Variants in IGSF21 observed in about 807,000 individuals in gnomAD.
IGSF21 encodes the protein immunoglobulin superfamily member 21.
In IGSF21, 28 loss-of-function variants were observed where a neutral mutation model predicts 46.8. The ratio of observed to expected loss-of-function variants is 0.60; its 90% CI spans 0.44 to 0.82. The LOEUF is 0.82. IGSF21 is among the 40% of genes least tolerant of loss of function. The pLI, the probability that IGSF21 is intolerant of heterozygous loss-of-function variation, is 0.00. For missense variants in IGSF21, 624 were observed against 665.5 expected, an observed-to-expected ratio of 0.94 and a Z score of 0.69; for synonymous variants, 284 against 273.6, an observed-to-expected ratio of 1.04 and a Z score of -0.38.
intron 4 of IGSF21, among the ~76,000 whole-genome samples, chr1:18,339,651 G>C (rs1264806764): frequency 6.6e-6 from 1 of 152,212 alleles, no homozygotes; most frequent in Non-Finnish European, 1.5e-5. Flanking sequence ...CTTGAGCCTG[G>C]GAGGTAAAGG....
chr1:18,229,760 G>C (rs1259780344), intron 2 of IGSF21, among the ~76,000 whole-genome samples: 1 of 152,178 alleles, frequency 6.6e-6, no homozygotes, highest in Non-Finnish European at 1.5e-5. Flanking sequence ...ATCACTAAGA[G>C]GTGTATTTAC....
intron 2 of IGSF21, among the ~76,000 whole-genome samples, chr1:18,281,175 G>GTGAA (rs911246491): frequency 4.6e-5 from 7 of 152,130 alleles, no homozygotes; most frequent in Non-Finnish European, 5.9e-5. Flanking sequence ...GAACAGGTGA[G>GTGAA]TGAATGAATG....
chr1:18,289,669 G>T (rs569115096), intron 2 of IGSF21, among the ~76,000 whole-genome samples: 1 of 152,172 alleles, frequency 6.6e-6, no homozygotes, highest in Non-Finnish European at 1.5e-5. Context: ...CTTGGGAGGG[G>T]GGCAAGGGGC....
At chr1:18,121,175 G>A (rs149593083) in intron 1 of IGSF21, among the ~76,000 whole-genome samples, 1 of 152,220 alleles carries the variant, frequency 6.6e-6, no homozygotes, top group African/African-American at 2.4e-5. Context: ...TTTCACCCTT[G>A]CAGATGGGGG....
chr1:18,156,238 A>G (rs143457562), intron 1 of IGSF21, among the ~76,000 whole-genome samples: 1 of 152,104 alleles, frequency 6.6e-6, no homozygotes, highest in Non-Finnish European at 1.5e-5. Flanking sequence ...ATTCTCCACT[A>G]TTAAGGAGGT....
intron 1 of IGSF21, among the ~76,000 whole-genome samples, chr1:18,139,020 C>A (rs1346246692): frequency 6.6e-6 from 1 of 152,212 alleles, no homozygotes; most frequent in Non-Finnish European, 1.5e-5. Flanking sequence ...GCCGTTAAAA[C>A]CCACATCCTT....
At chr1:18,274,261 C>T (rs769208797) in intron 2 of IGSF21, among the ~76,000 whole-genome samples, 2 of 143,418 alleles carry the variant, frequency 1.4e-5, no homozygotes, top group Non-Finnish European at 3.1e-5. Context: ...GCTCAACACT[C>T]CAGACCTTGT....
chr1:18,151,075 A>C (rs1411861949), intron 1 of IGSF21, among the ~76,000 whole-genome samples: 1 of 152,220 alleles, frequency 6.6e-6, no homozygotes. Flanking sequence ...GATGAATCAC[A>C]GAATACCTGA....
At chr1:18,117,736 T>C (rs1359504385) in intron 1 of IGSF21, among the ~76,000 whole-genome samples, 3 of 152,200 alleles carry the variant, frequency 2.0e-5, no homozygotes, top group South Asian at 4.1e-4. Flanking sequence ...GAGGAGAGGA[T>C]GCATGGCAGG....
chr1:18,241,697 A>G (rs1244577193), intron 2 of IGSF21, among the ~76,000 whole-genome samples: 1 of 152,036 alleles, frequency 6.6e-6, no homozygotes, highest in East Asian at 1.9e-4. Flanking sequence ...TCTCCCTCAT[A>G]TCATCATGAA....
At position 18,108,204 on chromosome 1, in the gene IGSF21, T is replaced by G. The variant is rs2086109467; in HGVS notation, c.70+6T>G. Reference sequence around the variant, plus strand: ...GATCCTGGACCTGGCGCGCGGTGAGTGCGCGGGCGCCTGGCGGGAGCCGAG... The same window carrying G: ...GATCCTGGACCTGGCGCGCGGTGAGGGCGCGGGCGCCTGGCGGGAGCCGAG... On this transcript the variant is annotated splice_donor_region_variant and intron_variant, in intron 1 of 9. Coordinates refer to ENST00000251296, the MANE Select transcript of IGSF21 (RefSeq NM_032880.5). The G allele has an allele frequency of 2.7e-5, 37 of 1,391,202 alleles. No individual in the cohort carries two copies. Among genetic ancestry groups the G allele is most frequent in the Non-Finnish European group, 3.4e-5 (37 of 1,074,348 alleles). 86.2% of individuals were successfully genotyped at this position (1,391,202 alleles called of 1,614,324 possible).
intron 4 of IGSF21, among the ~76,000 whole-genome samples, chr1:18,358,670 T>C (rs1195717750): frequency 6.6e-6 from 1 of 152,258 alleles, no homozygotes; most frequent in Non-Finnish European, 1.5e-5. Context: ...ACAGCTGATA[T>C]GTATTGGGTG....
chr1:18,314,647 A>G (rs1211253235), intron 3 of IGSF21, among the ~76,000 whole-genome samples: 3 of 152,170 alleles, frequency 2.0e-5, no homozygotes, highest in Non-Finnish European at 2.9e-5. Flanking sequence ...GACCACACAG[A>G]GTGACTTGCA....
intron 1 of IGSF21, among the ~76,000 whole-genome samples, chr1:18,146,848 G>T (rs1287173562): frequency 6.6e-6 from 1 of 152,160 alleles, no homozygotes; most frequent in South Asian, 2.1e-4. Flanking sequence ...GATGAGGAAA[G>T]TAAGACTCAG....
At chr1:18,188,913 C>T (rs781689761) in intron 1 of IGSF21, among the ~76,000 whole-genome samples, 9 of 152,216 alleles carry the variant, frequency 5.9e-5, no homozygotes, top group Non-Finnish European at 1.2e-4. Flanking sequence ...TCCTGACTTG[C>T]GGTGCTAGGG....
At chr1:18,319,500 G>A (rs1221389586) in intron 3 of IGSF21, among the ~76,000 whole-genome samples, 1 of 151,708 alleles carries the variant, frequency 6.6e-6, no homozygotes, top group Non-Finnish European at 1.5e-5. Flanking sequence ...CTTTACACAG[G>A]CTGTAAGCCC....
intron 2 of IGSF21, among the ~76,000 whole-genome samples, chr1:18,242,105 C>T (rs1557603140): frequency 6.6e-6 from 1 of 152,130 alleles, no homozygotes; most frequent in Non-Finnish European, 1.5e-5. Flanking sequence ...CGGCACAGAT[C>T]CACACAGAGG....
intron 1 of IGSF21, among the ~76,000 whole-genome samples, chr1:18,159,728 G>A (rs965588756): frequency 8.8e-5 from 13 of 148,126 alleles, no homozygotes; most frequent in African/African-American, 3.2e-4. Flanking sequence ...TGTCACCCAG[G>A]CTGGAGTGCA....
chr1:18,285,631 A>G (rs1260385387), intron 2 of IGSF21, among the ~76,000 whole-genome samples: 1 of 152,128 alleles, frequency 6.6e-6, no homozygotes, highest in Non-Finnish European at 1.5e-5. Flanking sequence ...ACTTCTACAC[A>G]GTGTAGCTGG....
Sources: gnomAD v4.1 joint callset for allele counts (sites outside exome capture counted in the v4.1 genomes callset) on GRCh38, gnomAD v4.1.1 for gene constraint, MANE v1.5 for transcripts, NCBI Gene and HGNC (gene_info 2026-07-23, HGNC 2026-07-21) for gene names.